ATP6V1H: variants seen among roughly 807,000 people sequenced by gnomAD.
ATP6V1H encodes the protein V-type proton ATPase subunit H.
In ATP6V1H, 39 loss-of-function variants were observed where a neutral mutation model predicts 71.7. The ratio of observed to expected loss-of-function variants is 0.54; its 90% CI spans 0.42 to 0.71. The LOEUF is 0.71. Among genes scored for constraint, ATP6V1H ranks in the 30% least tolerant of loss-of-function variants. ATP6V1H has a pLI of 0.00. For missense variants in ATP6V1H, 509 were observed against 594.9 expected, an observed-to-expected ratio of 0.86 and a Z score of 1.50; for synonymous variants, 192 against 199.3, an observed-to-expected ratio of 0.96 and a Z score of 0.31.
intron 12 of ATP6V1H, 64 bp downstream of exon 12, chr8:53,756,491 C>T: frequency 1.6e-6 from 2 of 1,225,720 alleles, no homozygotes; most frequent in African/African-American, 1.5e-5. Context: ...TAGATAAGTA[C>T]ATTATTTAGG....
chr8:53,754,210 G>A (rs1405268990), intron 12 of ATP6V1H, among the ~76,000 whole-genome samples: 1 of 152,152 alleles, frequency 6.6e-6, no homozygotes, highest in Non-Finnish European at 1.5e-5. Flanking sequence ...AGATAGGAGT[G>A]CAAAAGGCTT....
At chr8:53,789,583 T>C (rs1188999235) in intron 9 of ATP6V1H, among the ~76,000 whole-genome samples, 3 of 152,116 alleles carry the variant, frequency 2.0e-5, no homozygotes, top group Admixed American at 1.3e-4. Flanking sequence ...CTCTTGAAAC[T>C]GAGAGGAAAA....
At chr8:53,735,402 A>G (rs1420124835) in intron 13 of ATP6V1H, among the ~76,000 whole-genome samples, 1 of 152,222 alleles carries the variant, frequency 6.6e-6, no homozygotes, top group Non-Finnish European at 1.5e-5. Flanking sequence ...CATGAAAACT[A>G]CATGCTGCCT....
chr8:53,736,368 G>A lies in ATP6V1H; in HGVS notation c.1391+7209C>T, dbSNP rs145535505. On this transcript the variant is annotated intron_variant, in intron 13 of 13. Transcript: ENST00000359530. ...TTATGTTTGTGGAAAGACTAACATA[G>A]GAGACCAATGGCCTTAGGAAGCAAA... Among the ~76,000 whole-genome samples, 536 of 152,258 alleles carry A rather than the reference G, an allele frequency of 3.5e-3. 3 individuals carry two copies. The highest frequency in any genetic ancestry group is 0.012 in the African/African-American group (494 of 41,546).
chr8:53,809,005 T>C (rs779576934), intron 7 of ATP6V1H, among the ~76,000 whole-genome samples: 2 of 152,120 alleles, frequency 1.3e-5, no homozygotes, highest in Non-Finnish European at 2.9e-5. Context: ...AAGATATGAT[T>C]TAAAGATGTG....
intron 2 of ATP6V1H, among the ~76,000 whole-genome samples, 181 bp downstream of exon 2, chr8:53,841,397 G>A (rs1367717375): frequency 1.3e-5 from 2 of 152,154 alleles, no homozygotes; most frequent in African/African-American, 2.4e-5. Context: ...CCACTAGGGC[G>A]CCAAGCTGTT....
At chr8:53,798,610 A>AACACACAC (rs59831761) in intron 8 of ATP6V1H, among the ~76,000 whole-genome samples, 1,622 of 148,534 alleles carry the variant, frequency 0.011, 18 homozygotes, top group African/African-American at 0.031. Context: ...CAATGTGAGA[A>AACACACAC]ACACACACAC....
intron 13 of ATP6V1H, among the ~76,000 whole-genome samples, chr8:53,723,633 G>T (rs746514358): frequency 1.9e-4 from 29 of 152,146 alleles, no homozygotes; most frequent in Non-Finnish European, 3.8e-4. Context: ...TAATTCCCCT[G>T]CTGGGTGAGG....
At chr8:53,818,592 C>T (rs1810530553) in intron 4 of ATP6V1H, among the ~76,000 whole-genome samples, 1 of 152,098 alleles carries the variant, frequency 6.6e-6, no homozygotes. Context: ...GCCATCATTG[C>T]TTCATTGGTA....
At chr8:53,805,183 C>A (rs1585807096) in intron 7 of ATP6V1H, among the ~76,000 whole-genome samples, 1 of 152,286 alleles carries the variant, frequency 6.6e-6, no homozygotes, top group East Asian at 1.9e-4. Flanking sequence ...AGAATAAAGA[C>A]CGTATTCATC....
At chr8:53,732,220 C>T (rs1807048919) in intron 13 of ATP6V1H, among the ~76,000 whole-genome samples, 1 of 152,022 alleles carries the variant, frequency 6.6e-6, no homozygotes, top group African/African-American at 2.4e-5. Flanking sequence ...CCCTTTCCTT[C>T]TTGTAGTGTG....
intron 11 of ATP6V1H, among the ~76,000 whole-genome samples, chr8:53,764,774 A>G (rs565671919): frequency 2.0e-5 from 3 of 152,346 alleles, no homozygotes; most frequent in African/African-American, 7.2e-5. Context: ...CCCATACACT[A>G]TCTCTGAACA....
At chr8:53,739,932 C>T (rs1011756491) in intron 13 of ATP6V1H, among the ~76,000 whole-genome samples, 1 of 152,212 alleles carries the variant, frequency 6.6e-6, no homozygotes, top group Non-Finnish European at 1.5e-5. Context: ...CCTCCTCCAC[C>T]GCTCCTCACC....
At position 53,822,329 on chromosome 8, in the gene ATP6V1H, A is replaced by G. The variant is rs2130498517; in HGVS notation, c.307-4799T>C. Among the ~76,000 whole-genome samples, 2 of 152,294 alleles carry G rather than the reference A, an allele frequency of 1.3e-5. 1 individual carries two copies. Among genetic ancestry groups the G allele is most frequent in the South Asian group, 4.1e-4 (2 of 4,830 alleles). On this transcript the variant is annotated intron_variant, in intron 4 of 13. Transcript: ENST00000359530. ...ATATAACAAAACAAAGGTGGGAACAAGTGTAGAATAATAATATATAAATGT... is the reference window on the plus strand; with the variant it reads ...ATATAACAAAACAAAGGTGGGAACAGGTGTAGAATAATAATATATAAATGT...
At chr8:53,741,212 A>G (rs1025805788) in intron 13 of ATP6V1H, among the ~76,000 whole-genome samples, 1 of 152,178 alleles carries the variant, frequency 6.6e-6, no homozygotes, top group Non-Finnish European at 1.5e-5. Context: ...AAAAAAGTCA[A>G]ATTTAAAAAT....
intron 7 of ATP6V1H, among the ~76,000 whole-genome samples, chr8:53,810,864 T>A (rs1239506746): frequency 1.3e-5 from 2 of 152,256 alleles, no homozygotes; most frequent in Non-Finnish European, 2.9e-5. Flanking sequence ...GAGAAAACTT[T>A]ATGATTATTT....
At chr8:53,773,914 G>A (rs1808768097) in intron 9 of ATP6V1H, among the ~76,000 whole-genome samples, 1 of 152,060 alleles carries the variant, frequency 6.6e-6, no homozygotes, top group Admixed American at 6.5e-5. Context: ...GAACCAAGTG[G>A]AGATAAAACA....
intron 2 of ATP6V1H, 147 bp downstream of exon 2, chr8:53,841,431 C>G: frequency 1.0e-6 from 1 of 999,692 alleles, no homozygotes; most frequent in Non-Finnish European, 1.5e-6. Flanking sequence ...ACTTAACTCC[C>G]TAAGACAGCT....
chr8:53,771,922 A>T, intron 10 of ATP6V1H, 67 bp downstream of exon 10: 1 of 1,434,492 alleles, frequency 7.0e-7, no homozygotes, highest in Non-Finnish European at 9.5e-7. Context: ...AGGTTTTCTT[A>T]AAATGCTATG....
Sources: gnomAD v4.1 joint callset for allele counts (sites outside exome capture counted in the v4.1 genomes callset) on GRCh38, gnomAD v4.1.1 for gene constraint, MANE v1.5 for transcripts, NCBI Gene and HGNC (gene_info 2026-07-23, HGNC 2026-07-21) for gene names.